Variants in XAF1 observed in about 807,000 individuals in gnomAD.
XAF1 encodes the protein XIAP-associated factor 1.
XAF1 carries 32 observed loss-of-function variants against 32.3 expected under a neutral mutation model. That is an observed-to-expected ratio of 0.99 (90% CI 0.75 to 1.33). The LOEUF (loss-of-function observed/expected upper bound fraction) is 1.33, where lower values mean the gene tolerates loss of function less well. Ranked by LOEUF, XAF1 falls within the 40% of genes most tolerant of loss-of-function variation. The pLI, the probability that XAF1 is intolerant of heterozygous loss-of-function variation, is 0.00. For missense variants in XAF1, 379 were observed against 366.0 expected (o/e 1.04, Z -0.29); for synonymous variants, 120 against 125.9 (o/e 0.95, Z 0.31).
chr17:6,772,262 T>C (rs943331213), intron 6 of XAF1, among the ~76,000 whole-genome samples: 2 of 152,154 alleles, frequency 1.3e-5, no homozygotes, highest in African/African-American at 4.8e-5. Context: ...TTCAGTCAAA[T>C]TTGAATTTCA....
chr17:6,768,083 G>T (rs1345482389), intron 5 of XAF1, among the ~76,000 whole-genome samples: 1 of 151,296 alleles, frequency 6.6e-6, no homozygotes, highest in Admixed American at 6.6e-5. Flanking sequence ...TGCCTGTTTA[G>T]ATATACTCAC....
In XAF1 at chr17:6,758,221, G is replaced by C. The variant is rs1287929055; in HGVS notation, c.165G>C (p.Gln55His). The C allele has an allele frequency of 3.7e-6, 6 of 1,614,068 alleles. No homozygotes were observed. In the Admixed American group the frequency reaches 1.0e-4, roughly 27 times the overall value. Reference protein sequence around the residue: ...TMEEHCKLEHQQVGCTMCQQS... With the variant: ...TMEEHCKLEHHQVGCTMCQQS... ...AGGAGCACTGCAAGCTTGAGCACCA[G>C]CAGGTGAGGAGGCGGCAGGGAGGAT... Residue 55 changes from glutamine (Q) to histidine (H), a missense_variant, in exon 2 of 7, where the codon CAG becomes CAC. Physicochemically the swap from Gln to His is conservative, Grantham distance 24 (BLOSUM62 0). Transcript: ENST00000361842.
chr17:6,756,099 G>A lies in XAF1; in HGVS notation c.21G>A (p.Val7=). The change falls in exon 1 of 7, where the codon GTG becomes GTA. Residue 7 remains valine, a synonymous_variant. Transcript: ENST00000361842. MEGDFS[V]CRNCKRHVVS... ...AGAACATGGAAGGAGACTTCTCGGT[G>A]TGCAGGAACTGGTAAGAAAGTGCTT... 1 of 1,614,052 alleles carries A rather than the reference G, an allele frequency of 6.2e-7. No homozygotes were observed. Among genetic ancestry groups the A allele is most frequent in the Non-Finnish European group, 8.5e-7 (1 of 1,179,998 alleles).
rs1395445646 is a variant in XAF1 at position 6,774,856 on chromosome 17, C to G, written c.*1687C>G. 6.6e-6 allele frequency: 1 copy of G among 152,102 alleles called. No homozygotes were observed. The allele number at this position is 152,102 out of a possible 1,614,324, so 9.4% of individuals were successfully genotyped here. ...AGGAGTTTGAGACCAGCCTGGCCAA[C>G]ATGGAGAAACTCCGTCTCCGCTAAA... On this transcript the variant is annotated 3_prime_UTR_variant, in exon 7 of 7. Transcript: ENST00000361842.
At chr17:6,755,604 T>C (rs1177428164), upstream of XAF1, 4 of 1,011,860 alleles carry the variant, frequency 4.0e-6, no homozygotes, top group Non-Finnish European at 3.6e-6. Context: ...CCTCACCGCC[T>C]GGAAGTCCAG....
In XAF1 at chr17:6,773,630, A is replaced by G. The variant is rs989748644; in HGVS notation, c.*461A>G. 3.3e-5 allele frequency: 5 copies of G among 152,698 alleles called. No individual in the cohort carries two copies. The highest frequency in any genetic ancestry group is 6.5e-5 in the Admixed American group (1 of 15,294). The allele number at this position is 152,698 out of a possible 1,614,324, so 9.5% of individuals were successfully genotyped here. ...CGAAGTATCTCTGTTTGCAGACGAT[A>G]TGATTCTATATCTAGAAAACCCCAT... On this transcript the variant is annotated 3_prime_UTR_variant, in exon 7 of 7. Coordinates refer to ENST00000361842, the MANE Select transcript of XAF1 (RefSeq NM_017523.5).
intron 2 of XAF1, 38 bp from the exon 3 acceptor site, chr17:6,759,624 C>T (rs1334740229): frequency 1.3e-6 from 2 of 1,599,724 alleles, no homozygotes; most frequent in Non-Finnish European, 1.7e-6. Flanking sequence ...GGTGGACCCA[C>T]ATCTGGTGTG....
chr17:6,761,878 CT>C, intron 4 of XAF1: 1 of 1,448,402 alleles, frequency 6.9e-7, no homozygotes, highest in Non-Finnish European at 9.2e-7. Context: ...CTCCATTCAT[CT>C]CCTTAGAAAC....
chr17:6,766,416 C>A (rs1975630883), intron 5 of XAF1, among the ~76,000 whole-genome samples: 1 of 152,144 alleles, frequency 6.6e-6, no homozygotes, highest in South Asian at 2.1e-4. Context: ...TGGTAATCAC[C>A]TTCATATGTC....
chr17:6,762,340 A>G (rs1975285576), intron 5 of XAF1, 100 bp downstream of exon 5: 1 of 970,500 alleles, frequency 1.0e-6, no homozygotes, highest in Non-Finnish European at 1.5e-6. Context: ...TTTACATAGC[A>G]TGGATATTAA....
chr17:6,763,389 G>A (rs564926313), intron 5 of XAF1, among the ~76,000 whole-genome samples: 2 of 152,160 alleles, frequency 1.3e-5, no homozygotes, highest in African/African-American at 2.4e-5. Context: ...GTGCAGTGGC[G>A]TGATCTCGGC....
chr17:6,755,717 G>A, upstream of XAF1: 3 of 1,088,206 alleles, frequency 2.8e-6, no homozygotes, highest in Non-Finnish European at 3.4e-6. Flanking sequence ...AAGGGTGGGA[G>A]GTGGATGGTT....
At chr17:6,757,997 C>G in intron 1 of XAF1, 92 bp from the exon 2 acceptor site, 3 of 1,564,698 alleles carry the variant, frequency 1.9e-6, no homozygotes, top group Non-Finnish European at 2.6e-6. Flanking sequence ...CTTAAGGCCT[C>G]TGGAGATCTA....
At chr17:6,760,375 G>A in intron 3 of XAF1, 31 bp from the exon 4 acceptor site, 1 of 1,416,138 alleles carries the variant, frequency 7.1e-7, no homozygotes, top group Non-Finnish European at 9.7e-7. Context: ...AAAAGGGCCA[G>A]TGATCATGCC....
At chr17:6,767,751 G>A (rs1975721935) in intron 5 of XAF1, among the ~76,000 whole-genome samples, 1 of 152,070 alleles carries the variant, frequency 6.6e-6, no homozygotes, top group African/African-American at 2.4e-5. Context: ...TGCTGCTGCT[G>A]CTGCTGCTGC....
chr17:6,761,901 C>G, intron 4 of XAF1: 1 of 1,481,764 alleles, frequency 6.7e-7, no homozygotes, highest in Non-Finnish European at 9.0e-7. Context: ...AGTCCTGATC[C>G]AGGAAAATGT....
intron 5 of XAF1, among the ~76,000 whole-genome samples, chr17:6,769,681 C>A (rs1195037798): frequency 6.6e-6 from 1 of 152,134 alleles, no homozygotes; most frequent in Non-Finnish European, 1.5e-5. Flanking sequence ...CCTCTATGAC[C>A]TATTTTGAGG....
chr17:6,762,018 C>T (rs575303910), intron 4 of XAF1, 137 bp from the exon 5 acceptor site: 265 of 1,543,682 alleles, frequency 1.7e-4, no homozygotes, highest in Non-Finnish European at 2.1e-4. Flanking sequence ...ATGCCGGCAG[C>T]GCAGGAAAGT....
At chr17:6,769,586 C>T (rs79049220) in intron 5 of XAF1, among the ~76,000 whole-genome samples, 5,109 of 152,168 alleles carry the variant, frequency 0.034, 269 homozygotes, top group African/African-American at 0.11. Flanking sequence ...GTGTCTGTGA[C>T]TCTTACTCAA....
Sources: allele counts gnomAD v4.1 joint callset (sites outside exome capture counted in the v4.1 genomes callset), GRCh38; gene constraint gnomAD v4.1.1; transcripts MANE v1.5; gene names NCBI Gene and HGNC (gene_info 2026-07-23, HGNC 2026-07-21).